Variants in SAXO4 observed in about 807,000 individuals in gnomAD.
SAXO4 encodes the protein stabilizer of axonemal microtubules 4, also known as protein phosphatase 1 regulatory subunit 32.
chr11:61,486,677 T>G, the SAXO4 span: 4 of 1,436,682 alleles, frequency 2.8e-6, no homozygotes, highest in Non-Finnish European at 3.9e-6. Context: ...AGAGGTGGCA[T>G]TTGGGTCAGG....
At chr11:61,482,119 T>C in the SAXO4 span, among the ~76,000 whole-genome samples, 10 of 152,152 alleles carry the variant, frequency 6.6e-5, no homozygotes, top group Admixed American at 5.2e-4. Context: ...ACACTGACCT[T>C]GTCCCCAGCC....
the SAXO4 span, chr11:61,481,958 G>C: frequency 7.3e-7 from 1 of 1,367,652 alleles, no homozygotes; most frequent in Non-Finnish European, 1.0e-6. Flanking sequence ...CTAGGACATG[G>C]GCAGGAAGGG....
At chr11:61,481,695 T>G in the SAXO4 span, 1 of 554,762 alleles carries the variant, frequency 1.8e-6, no homozygotes, top group Non-Finnish European at 3.0e-6. Context: ...GCCAGCTGCG[T>G]TGTGGGTGGT....
At chr11:61,482,861 A>G in the SAXO4 span, 1 of 1,510,954 alleles carries the variant, frequency 6.6e-7, no homozygotes, top group Non-Finnish European at 8.8e-7. Context: ...GGGTGGGGCT[A>G]GGGCTGCACT....
chr11:61,490,684 C>G, the SAXO4 span: 1 of 1,071,528 alleles, frequency 9.3e-7, no homozygotes, highest in Non-Finnish European at 1.4e-6. Context: ...CAAGTCCTGC[C>G]TGGGGACCCC....
At chr11:61,490,088 C>T in the SAXO4 span, 9 of 821,576 alleles carry the variant, frequency 1.1e-5, no homozygotes, top group Non-Finnish European at 1.7e-5. Flanking sequence ...TCTGGTGTCC[C>T]TTCTCCTGCT....
chr11:61,485,308 G>A, the SAXO4 span: 1 of 1,607,240 alleles, frequency 6.2e-7, no homozygotes, highest in Non-Finnish European at 8.5e-7. Flanking sequence ...GTGGGTCAGT[G>A]CCCCCACTCC....
chr11:61,484,769 C>T, the SAXO4 span: 1 of 1,611,816 alleles, frequency 6.2e-7, no homozygotes, highest in Non-Finnish European at 8.5e-7. Context: ...GCCTCTGCTC[C>T]ACCAGCAGCA....
chr11:61,490,171 T>G, the SAXO4 span, among the ~76,000 whole-genome samples: 1 of 152,072 alleles, frequency 6.6e-6, no homozygotes, highest in Non-Finnish European at 1.5e-5. Context: ...CTCCTGCCCC[T>G]GTTCCCCAGG....
chr11:61,481,780 A>G, the SAXO4 span: 1 of 1,341,302 alleles, frequency 7.5e-7, no homozygotes, highest in Non-Finnish European at 1.0e-6. Context: ...CTTCCTTTCT[A>G]GGCCCCCTGG....
the SAXO4 span, chr11:61,486,313 G>A: frequency 8.1e-6 from 13 of 1,611,754 alleles, no homozygotes; most frequent in South Asian, 1.4e-4. Context: ...TGCCTCTGCG[G>A]GGCTGACATC....
the SAXO4 span, chr11:61,486,240 C>A: frequency 8.1e-7 from 1 of 1,231,048 alleles, no homozygotes; most frequent in Non-Finnish European, 1.2e-6. Context: ...CTGAGTCCTC[C>A]TCTGTGCTCA....
At chr11:61,485,944 G>T in the SAXO4 span, 1 of 1,447,750 alleles carries the variant, frequency 6.9e-7, no homozygotes, top group Non-Finnish European at 9.7e-7. Context: ...AGAACTTTAG[G>T]GGGCTTGAAG....
the SAXO4 span, chr11:61,489,943 G>A: frequency 2.5e-6 from 4 of 1,609,348 alleles, no homozygotes; most frequent in Non-Finnish European, 3.4e-6. Flanking sequence ...CCCCACGTGG[G>A]AAGGTGGCAC....
chr11:61,486,699 G>A, the SAXO4 span: 187 of 1,282,394 alleles, frequency 1.5e-4, no homozygotes, highest in Non-Finnish European at 1.9e-4. Flanking sequence ...ATTGAAGAAT[G>A]AGAAGAATTA....
the SAXO4 span, chr11:61,482,243 T>G: frequency 4.2e-6 from 6 of 1,433,250 alleles, no homozygotes; most frequent in Admixed American, 6.8e-5. Context: ...CGGAGGACGC[T>G]GGCCCTGCCT....
the SAXO4 span, chr11:61,490,843 GCTA>G: frequency 5.1e-4 from 274 of 540,582 alleles, 3 homozygotes; most frequent in South Asian, 5.6e-3. Context: ...CAGGAGCCAG[GCTA>G]CTGTCTGTAC....
the SAXO4 span, among the ~76,000 whole-genome samples, chr11:61,484,295 C>T: frequency 1.3e-5 from 2 of 152,118 alleles, no homozygotes; most frequent in Non-Finnish European, 2.9e-5. Flanking sequence ...AACTGCAAAT[C>T]GGGAGGGTCG....
chr11:61,487,250 G>A, the SAXO4 span: 32 of 1,610,488 alleles, frequency 2.0e-5, no homozygotes, highest in Middle Eastern at 5.0e-4. Flanking sequence ...GGTGAGGTCC[G>A]CTTCCTGGTC....
Sources: gnomAD v4.1 joint callset for allele counts (sites outside exome capture counted in the v4.1 genomes callset) on GRCh38, gnomAD v4.1.1 for gene constraint, MANE v1.5 for transcripts, NCBI Gene and HGNC (gene_info 2026-07-23, HGNC 2026-07-21) for gene names.